Variants in NRG3 observed in about 807,000 individuals in gnomAD.
NRG3 encodes neuregulin 3.
A neutral mutation model predicts 66.9 loss-of-function variants in NRG3; 31 were observed. The ratio of observed to expected loss-of-function variants is 0.46; its 90% confidence interval spans 0.35 to 0.63. The LOEUF (loss-of-function observed/expected upper bound fraction) is 0.63. NRG3 is among the 20% of genes least tolerant of loss of function. The pLI is 0.00. For synonymous variants in NRG3, 393 were observed against 359.4 expected, an observed-to-expected ratio of 1.09 and a Z score of -1.06; for missense variants, 910 against 878.9, an observed-to-expected ratio of 1.04 and a Z score of -0.45.
chr10:82,928,024 A>G (rs1847183490), intron 4 of NRG3, among the ~76,000 whole-genome samples: 2 of 152,124 alleles, frequency 1.3e-5, no homozygotes, highest in Admixed American at 6.5e-5. Context: ...TAACTTTTTA[A>G]TGATTGCCAT....
chr10:82,005,775 G>C (rs1186025804), intron 1 of NRG3, among the ~76,000 whole-genome samples: 3 of 152,114 alleles, frequency 2.0e-5, no homozygotes, highest in African/African-American at 7.2e-5. Context: ...ATGTTGTGCT[G>C]ATTCACTAAC....
At chr10:82,717,112 G>A (rs1014418379) in intron 2 of NRG3, among the ~76,000 whole-genome samples, 2 of 152,046 alleles carry the variant, frequency 1.3e-5, no homozygotes, top group Non-Finnish European at 2.9e-5. Flanking sequence ...GAATGATAGA[G>A]TGGCAGTAAT....
At chr10:82,252,969 A>G (rs1451033082) in intron 1 of NRG3, among the ~76,000 whole-genome samples, 1 of 152,164 alleles carries the variant, frequency 6.6e-6, no homozygotes, top group African/African-American at 2.4e-5. Flanking sequence ...TACAGTCATT[A>G]GCATAACAGA....
chr10:81,996,400 C>G (rs181290051), intron 1 of NRG3, among the ~76,000 whole-genome samples: 3 of 152,262 alleles, frequency 2.0e-5, no homozygotes, highest in African/African-American at 7.2e-5. Context: ...TATTTACCCC[C>G]ATTCCACCCT....
At chr10:82,014,296 T>G (rs2061697475) in intron 1 of NRG3, among the ~76,000 whole-genome samples, 1 of 152,192 alleles carries the variant, frequency 6.6e-6, no homozygotes, top group South Asian at 2.1e-4. Context: ...AGAGGTACTG[T>G]GAGATGTTCC....
chr10:81,896,366 C>T (rs1272571063), intron 1 of NRG3, among the ~76,000 whole-genome samples: 1 of 152,144 alleles, frequency 6.6e-6, no homozygotes, highest in Non-Finnish European at 1.5e-5. Flanking sequence ...TTCTCGCCAT[C>T]CTATCTCGTG....
intron 5 of NRG3, among the ~76,000 whole-genome samples, chr10:82,955,003 A>G (rs959613518): frequency 1.3e-5 from 2 of 151,900 alleles, no homozygotes; most frequent in Admixed American, 6.5e-5. Flanking sequence ...TATCACTGGT[A>G]TTCAAATAAG....
At chr10:82,623,970 C>T (rs1427020405) in intron 2 of NRG3, among the ~76,000 whole-genome samples, 1 of 152,094 alleles carries the variant, frequency 6.6e-6, no homozygotes, top group Non-Finnish European at 1.5e-5. Flanking sequence ...CCTCCTTGCC[C>T]TCCTCTGAAT....
chr10:82,132,487 T>TATCATATATATATATCATATATATC (rs1554831187), intron 1 of NRG3, among the ~76,000 whole-genome samples: 2 of 92,834 alleles, frequency 2.2e-5, no homozygotes, highest in Non-Finnish European at 3.7e-5. Context: ...ATGATATATA[T>TATCATATATATATATCATATATATC]ATATGATATA....
chr10:82,321,418 G>T (rs1357747409), intron 1 of NRG3, among the ~76,000 whole-genome samples: 1 of 152,076 alleles, frequency 6.6e-6, no homozygotes, highest in African/African-American at 2.4e-5. Flanking sequence ...ACATTACCTT[G>T]ATTATTCCTT....
rs114942500 is a variant in NRG3 at position 81,910,398 on chromosome 10, A to G, written c.823+34235A>G. On this transcript the variant is annotated intron_variant, in intron 1 of 8. Coordinates refer to ENST00000372141, the MANE Select transcript of NRG3 (RefSeq NM_001010848.4). ...TGAAGACTAGAGTTCTGGGTACTCA[A>G]TAATGTTCAAAGTAAAAATACTTCA... is the stretch of plus-strand genomic sequence containing the variant. 9.9e-3 allele frequency among the ~76,000 whole-genome samples: 1,501 copies of G among 152,342 alleles called. 32 individuals carry two copies. The highest frequency in any genetic ancestry group is 0.034 in the African/African-American group (1,403 of 41,562).
chr10:82,586,984 T>C (rs2046713311), intron 2 of NRG3, among the ~76,000 whole-genome samples: 1 of 152,190 alleles, frequency 6.6e-6, no homozygotes, highest in African/African-American at 2.4e-5. Context: ...ACTGAAATCT[T>C]TGCATTAGGA....
At chr10:82,843,675 G>C (rs958202101) in intron 3 of NRG3, among the ~76,000 whole-genome samples, 2 of 152,102 alleles carry the variant, frequency 1.3e-5, no homozygotes, top group African/African-American at 4.8e-5. Flanking sequence ...GCTATCTACT[G>C]TTTAAAAGAA....
intron 2 of NRG3, among the ~76,000 whole-genome samples, chr10:82,533,014 G>T (rs561640446): frequency 6.7e-6 from 1 of 148,890 alleles, no homozygotes; most frequent in Non-Finnish European, 1.5e-5. Flanking sequence ...ATGACATTTC[G>T]CTGTGTTTTT....
intron 2 of NRG3, among the ~76,000 whole-genome samples, chr10:82,386,293 A>C (rs1027512806): frequency 6.6e-6 from 1 of 152,196 alleles, no homozygotes; most frequent in South Asian, 2.1e-4. Flanking sequence ...ATTACTTGTA[A>C]TATGGCTCCT....
intron 4 of NRG3, among the ~76,000 whole-genome samples, chr10:82,931,862 T>C (rs887445478): frequency 1.3e-5 from 2 of 152,214 alleles, no homozygotes; most frequent in Non-Finnish European, 2.9e-5. Context: ...CAAACATTTA[T>C]GGCAATCTGG....
chr10:82,843,315 A>G (rs1311441685), intron 3 of NRG3: 5 of 443,464 alleles, frequency 1.1e-5, no homozygotes, highest in Non-Finnish European at 2.3e-5. Flanking sequence ...AGGACAATTT[A>G]GCTCCCTTTG....
At position 82,006,083 on chromosome 10, in the gene NRG3, AT is replaced by A. The variant is rs536650312; in HGVS notation, c.823+129921del. On this transcript the variant is annotated intron_variant, in intron 1 of 8. Transcript: ENST00000372141. ...TCTTCAGGTTACCATCTTATCTATT[AT>A]GCATTTGATTCTGTTTTCCCACATT... Among the ~76,000 whole-genome samples, 41 of 152,222 alleles carry A rather than the reference AT, an allele frequency of 2.7e-4. No individual in the cohort carries two copies. In the East Asian group the frequency reaches 7.5e-3, roughly 28 times the overall value.
At chr10:82,682,136 G>T (rs577104043) in intron 2 of NRG3, among the ~76,000 whole-genome samples, 13 of 152,312 alleles carry the variant, frequency 8.5e-5, no homozygotes, top group South Asian at 4.1e-4. Context: ...ACTAGAGTAG[G>T]AGGAGGAAAA....
Sources: gnomAD v4.1 joint callset for allele counts (sites outside exome capture counted in the v4.1 genomes callset) on GRCh38, gnomAD v4.1.1 for gene constraint, MANE v1.5 for transcripts, NCBI Gene and HGNC (gene_info 2026-07-23, HGNC 2026-07-21) for gene names.